Variants in FHIT observed in about 807,000 individuals in gnomAD.
The protein encoded by FHIT is fragile histidine triad diadenosine triphosphatase.
A neutral mutation model predicts 17.9 loss-of-function variants in FHIT; 19 were observed. That is an observed-to-expected ratio of 1.06 (90% CI 0.74 to 1.56). The LOEUF (loss-of-function observed/expected upper bound fraction) is 1.56, where lower values mean the gene tolerates loss of function less well. Ranked by LOEUF, FHIT falls within the 40% of genes most tolerant of loss-of-function variation. The pLI, the probability that FHIT is intolerant of heterozygous loss-of-function variation, is 0.00. For synonymous variants in FHIT, 81 were observed against 69.7 expected, an observed-to-expected ratio of 1.16 and a Z score of -0.81; for missense variants, 248 against 189.2, an observed-to-expected ratio of 1.31 and a Z score of -1.82.
chr3:60,291,189 G>C (rs1383700046), intron 5 of FHIT, among the ~76,000 whole-genome samples: 2 of 152,016 alleles, frequency 1.3e-5, no homozygotes, highest in Non-Finnish European at 2.9e-5. Context: ...AGGGGTTCTG[G>C]AAAAATGGGT....
chr3:60,509,047 A>C (rs1410964993), intron 5 of FHIT, among the ~76,000 whole-genome samples: 1 of 152,062 alleles, frequency 6.6e-6, no homozygotes, highest in African/African-American at 2.4e-5. Flanking sequence ...ATTCCCACCC[A>C]AATTCTTTTG....
At chr3:60,111,598 A>C (rs1468138318) in intron 5 of FHIT, among the ~76,000 whole-genome samples, 1 of 152,232 alleles carries the variant, frequency 6.6e-6, no homozygotes, top group African/African-American at 2.4e-5. Context: ...CAAATAAACT[A>C]CATTTAAAGC....
At chr3:60,235,466 G>A (rs144260358) in intron 5 of FHIT, among the ~76,000 whole-genome samples, 49 of 152,148 alleles carry the variant, frequency 3.2e-4, no homozygotes, top group African/African-American at 1.1e-3. Flanking sequence ...TCCTGACCTC[G>A]TGATCTGCTG....
At chr3:61,080,570 G>C (rs548555412) in intron 2 of FHIT, among the ~76,000 whole-genome samples, 1 of 152,126 alleles carries the variant, frequency 6.6e-6, no homozygotes, top group African/African-American at 2.4e-5. Context: ...ATAGATGTTC[G>C]ATATTATAGT....
intron 5 of FHIT, among the ~76,000 whole-genome samples, chr3:60,140,296 G>T (rs1297502094): frequency 6.6e-6 from 1 of 152,086 alleles, no homozygotes; most frequent in Admixed American, 6.6e-5. Flanking sequence ...GGAAACCACA[G>T]CTACTCCCCT....
intron 7 of FHIT, among the ~76,000 whole-genome samples, chr3:59,924,440 G>C (rs1405922827): frequency 1.3e-5 from 2 of 152,106 alleles, no homozygotes; most frequent in African/African-American, 4.8e-5. Context: ...CTAACTGTGT[G>C]ACCTTGTCTC....
At chr3:61,084,512 A>C (rs1484188882) in intron 2 of FHIT, among the ~76,000 whole-genome samples, 1 of 152,178 alleles carries the variant, frequency 6.6e-6, no homozygotes, top group African/African-American at 2.4e-5. Flanking sequence ...ATTCATGGAT[A>C]TATTGTGTCC....
At chr3:60,235,476 G>A (rs1019062148) in intron 5 of FHIT, among the ~76,000 whole-genome samples, 1 of 151,978 alleles carries the variant, frequency 6.6e-6, no homozygotes, top group African/African-American at 2.4e-5. Context: ...GTGATCTGCT[G>A]GCCTCAGCCC....
At position 61,003,291 on chromosome 3, in the gene FHIT, G is replaced by A. The variant is rs996197207; in HGVS notation, c.-111+38756C>T. On this transcript the variant is annotated intron_variant, in intron 3 of 9. Transcript: ENST00000492590. ...AAAAGCCATCTATCTAAAGGGGCAC[G>A]CCACACTGTTATTCCTTTGTAATAT... Among the ~76,000 whole-genome samples the A allele has an allele frequency of 3.9e-5, 6 of 152,110 alleles. 1 individual carries two copies. Among genetic ancestry groups the A allele is most frequent in the Admixed American group, 2.6e-4 (4 of 15,266 alleles).
chr3:61,230,106 T>A (rs2040061527), intron 1 of FHIT, among the ~76,000 whole-genome samples: 1 of 152,254 alleles, frequency 6.6e-6, no homozygotes, highest in African/African-American at 2.4e-5. Flanking sequence ...TGTCTTAGTA[T>A]TTCCAACTTG....
chr3:60,822,647 T>A (rs778275687), intron 3 of FHIT, among the ~76,000 whole-genome samples: 2 of 152,174 alleles, frequency 1.3e-5, no homozygotes, highest in Non-Finnish European at 2.9e-5. Flanking sequence ...ATCAAACGGG[T>A]ATAATAATAT....
rs1210766078 is a variant in FHIT at position 60,447,429 on chromosome 3, T to C, written c.103+89431A>G. ...GGAATTATTTTGTTAAGAATTAGCT[T>C]CAAATATGATAATACACATATTCTA... On this transcript the variant is annotated intron_variant, in intron 5 of 9. Coordinates refer to ENST00000492590, the MANE Select transcript of FHIT (RefSeq NM_002012.4). Among the ~76,000 whole-genome samples the C allele has an allele frequency of 2.6e-5, 4 of 152,190 alleles. No individual in the cohort carries two copies. The East Asian group carries it at 7.7e-4, about 29-fold the overall frequency.
intron 5 of FHIT, among the ~76,000 whole-genome samples, chr3:60,418,755 A>C (rs191891390): frequency 0.01 from 1,523 of 149,808 alleles, 25 homozygotes; most frequent in African/African-American, 0.035. Flanking sequence ...TGAGACTGTC[A>C]AAAAAAAATA....
chr3:61,148,886 C>T (rs1418998231), intron 2 of FHIT, among the ~76,000 whole-genome samples: 1 of 152,144 alleles, frequency 6.6e-6, no homozygotes, highest in Non-Finnish European at 1.5e-5. Context: ...AAATCTCATA[C>T]TCCTAGATGA....
At chr3:60,373,711 G>A (rs1700431133) in intron 5 of FHIT, among the ~76,000 whole-genome samples, 1 of 152,152 alleles carries the variant, frequency 6.6e-6, no homozygotes, top group African/African-American at 2.4e-5. Context: ...ACATACAATT[G>A]AGGAATGCAA....
intron 3 of FHIT, among the ~76,000 whole-genome samples, chr3:60,953,183 A>G (rs1708965361): frequency 6.6e-6 from 1 of 152,242 alleles, no homozygotes; most frequent in South Asian, 2.1e-4. Flanking sequence ...GGATAATATA[A>G]GTGCCAAAAA....
chr3:60,538,654 G>A (rs2036073527), intron 4 of FHIT, among the ~76,000 whole-genome samples: 1 of 152,142 alleles, frequency 6.6e-6, no homozygotes, highest in South Asian at 2.1e-4. Context: ...ACAACTATCT[G>A]ATCTTTGACA....
chr3:60,301,654 A>C (rs1496649), intron 5 of FHIT, among the ~76,000 whole-genome samples: 85,534 of 152,062 alleles, frequency 0.56, 25,077 homozygotes, highest in East Asian at 0.96. Context: ...TCATAACATG[A>C]CTTAGAATCT....
At chr3:60,027,131 ACACACAC>A (rs1419455922) in intron 5 of FHIT, among the ~76,000 whole-genome samples, 38 of 132,228 alleles carry the variant, frequency 2.9e-4, no homozygotes, top group African/African-American at 1.1e-3. Flanking sequence ...ACACACACAC[ACACACAC>A]ACACACACAC....
Sources: allele counts gnomAD v4.1 joint callset (sites outside exome capture counted in the v4.1 genomes callset), GRCh38; gene constraint gnomAD v4.1.1; transcripts MANE v1.5; gene names NCBI Gene and HGNC (gene_info 2026-07-23, HGNC 2026-07-21).